EPHB1: variants seen among roughly 807,000 people sequenced by gnomAD.
The protein encoded by EPHB1 is EPH receptor B1.
A neutral mutation model predicts 94.4 loss-of-function variants in EPHB1; 30 were observed. That is an observed-to-expected ratio of 0.32 (90% CI 0.24 to 0.43). The LOEUF (loss-of-function observed/expected upper bound fraction) is 0.43, where lower values mean the gene tolerates loss of function less well. EPHB1 is among the 20% of genes least tolerant of loss of function. The pLI is 1.00. For synonymous variants in EPHB1, 522 were observed against 489.1 expected (o/e 1.07, Z -0.89); for missense variants, 1,055 against 1,308.3 (o/e 0.81, Z 2.99).
At chr3:134,865,962 C>T (rs1045440671) in intron 1 of EPHB1, among the ~76,000 whole-genome samples, 1 of 152,196 alleles carries the variant, frequency 6.6e-6, no homozygotes, top group Non-Finnish European at 1.5e-5. Flanking sequence ...TAGGAGGAGA[C>T]TTCTCACTGG....
rs1391114427 is a variant in EPHB1, at chr3:134,973,545, C to T, written c.805+21493C>T. ...CTCCTGGGTTCAAGCGATTCTCCTT[C>T]CTCAGCCTCCTGAGTAGCCGGGATT... On this transcript the variant is annotated intron_variant, in intron 3 of 15. Transcript: ENST00000398015. 3.4e-5 allele frequency among the ~76,000 whole-genome samples: 5 copies of T among 148,872 alleles called. No individual in the cohort carries two copies. The Admixed American group carries it at 3.4e-4, about 10-fold the overall frequency.
Position 135,089,680 on chromosome 3 carries a change from G to A in EPHB1, c.806-16768G>A, listed in dbSNP as rs182406992. On this transcript the variant is annotated intron_variant, in intron 3 of 15. Transcript: ENST00000398015. ...AGCAGGACCCTTCCTGGGCATGAGA[G>A]GGAGCAATGTCGTGTTCACCTGTCC... 4.3e-4 allele frequency among the ~76,000 whole-genome samples: 66 copies of A among 152,322 alleles called. 1 individual carries two copies. The East Asian group carries it at 0.01, about 24-fold the overall frequency.
chr3:135,183,113 A>G (rs1942223306), intron 10 of EPHB1, among the ~76,000 whole-genome samples: 1 of 136,752 alleles, frequency 7.3e-6, no homozygotes, highest in Non-Finnish European at 1.5e-5. Context: ...TTTCTTCTTG[A>G]CATCAATCAT....
chr3:135,141,920 A>G (rs1211310090), intron 5 of EPHB1, among the ~76,000 whole-genome samples: 2 of 152,210 alleles, frequency 1.3e-5, no homozygotes, highest in African/African-American at 2.4e-5. Flanking sequence ...TCTTGAAGGC[A>G]GCTGACATGG....
intron 15 of EPHB1, among the ~76,000 whole-genome samples, chr3:135,257,237 C>T (rs1313089458): frequency 6.6e-6 from 1 of 152,200 alleles, no homozygotes; most frequent in African/African-American, 2.4e-5. Context: ...ATTCTCCATC[C>T]AGCTTTGTTC....
intron 4 of EPHB1, among the ~76,000 whole-genome samples, chr3:135,107,328 G>A (rs1358290682): frequency 6.6e-6 from 1 of 152,246 alleles, no homozygotes; most frequent in African/African-American, 2.4e-5. Context: ...GGATAGGGAT[G>A]TGAGAAGGGG....
intron 7 of EPHB1, among the ~76,000 whole-genome samples, 153 bp from the exon 8 acceptor site, chr3:135,165,815 G>T (rs1941637617): frequency 6.6e-6 from 1 of 152,120 alleles, no homozygotes; most frequent in Non-Finnish European, 1.5e-5. Context: ...CTTAAAAATT[G>T]CTGTTTGTTT....
At chr3:135,219,200 G>C (rs552967216) in intron 12 of EPHB1, among the ~76,000 whole-genome samples, 1 of 152,300 alleles carries the variant, frequency 6.6e-6, no homozygotes, top group South Asian at 2.1e-4. Context: ...GTTTGGAAAA[G>C]AGTGTGAAAG....
chr3:134,995,368 A>G (rs981255047), intron 3 of EPHB1, among the ~76,000 whole-genome samples: 3 of 152,144 alleles, frequency 2.0e-5, no homozygotes, highest in South Asian at 2.1e-4. Context: ...GTATGGATGT[A>G]CTACAGATTG....
intron 13 of EPHB1, among the ~76,000 whole-genome samples, chr3:135,245,226 C>T (rs191258546): frequency 7.8e-4 from 118 of 152,252 alleles, no homozygotes; most frequent in Non-Finnish European, 6.2e-4. Flanking sequence ...CAACACGCAT[C>T]ACTTCGGTGT....
chr3:134,951,237 C>A lies in EPHB1; in HGVS notation c.124-134C>A. On this transcript the variant is annotated intron_variant, in intron 2 of 15. Transcript: ENST00000398015. The surrounding 1 kb of genome is among the most constrained non-coding windows in gnomAD (Gnocchi z 4.5). The stretch of plus-strand genomic sequence containing the variant: ...GTTGCGCTTAGATGTGTTCATTTCT[C>A]AAGTCAATCTGCTGGACTGGTGAGC... 1 of 709,066 alleles carries A rather than the reference C, an allele frequency of 1.4e-6. No individual in the cohort carries two copies. The highest frequency in any genetic ancestry group is 2.2e-6 in the Non-Finnish European group (1 of 457,646). The allele number at this position is 709,066 out of a possible 1,614,324, so 43.9% of individuals were successfully genotyped here.
intron 3 of EPHB1, among the ~76,000 whole-genome samples, chr3:134,961,988 A>T (rs1323203965): frequency 6.6e-6 from 1 of 152,210 alleles, no homozygotes; most frequent in Non-Finnish European, 1.5e-5. Flanking sequence ...AATGCAGTAA[A>T]TTCTCAGAAG....
chr3:135,016,575 T>C (rs1257649482), intron 3 of EPHB1, among the ~76,000 whole-genome samples: 2 of 152,074 alleles, frequency 1.3e-5, no homozygotes, highest in African/African-American at 4.8e-5. Flanking sequence ...AGAGCAGACT[T>C]TGAGGGGCTG....
chr3:134,885,305 T>C (rs1380366519), intron 1 of EPHB1, among the ~76,000 whole-genome samples: 1 of 152,170 alleles, frequency 6.6e-6, no homozygotes, highest in Admixed American at 6.5e-5. Context: ...AGAGCATCAG[T>C]GAACTGTTGA....
intron 3 of EPHB1, among the ~76,000 whole-genome samples, chr3:134,972,350 A>G (rs1384675194): frequency 6.8e-6 from 1 of 146,852 alleles, no homozygotes; most frequent in African/African-American, 2.5e-5. Context: ...ATAAATATCT[A>G]TATCATACGT....
At chr3:135,094,729 C>T (rs1165996027) in intron 3 of EPHB1, among the ~76,000 whole-genome samples, 2 of 152,174 alleles carry the variant, frequency 1.3e-5, no homozygotes, top group Non-Finnish European at 2.9e-5. Context: ...CGTACCTTTC[C>T]TGACCCCTCT....
chr3:135,132,691 G>T, intron 4 of EPHB1, 23 bp from the exon 5 acceptor site: 1 of 1,551,764 alleles, frequency 6.4e-7, no homozygotes, highest in Non-Finnish European at 8.7e-7. Flanking sequence ...TAGCCTCACT[G>T]GACCTTCTTT....
chr3:135,166,420 T>C (rs1158691996), intron 8 of EPHB1, among the ~76,000 whole-genome samples: 2 of 152,052 alleles, frequency 1.3e-5, no homozygotes, highest in African/African-American at 2.4e-5. Flanking sequence ...ATCCTCCAGT[T>C]AAGAGAGCTC....
At chr3:135,072,924 G>C (rs371109799) in intron 3 of EPHB1, among the ~76,000 whole-genome samples, 1 of 152,092 alleles carries the variant, frequency 6.6e-6, no homozygotes, top group Non-Finnish European at 1.5e-5. Context: ...ACATTTTCCA[G>C]TTGATCAGAG....
Sources: gnomAD v4.1 joint callset for allele counts (sites outside exome capture counted in the v4.1 genomes callset) on GRCh38, gnomAD v4.1.1 for gene constraint, Gnocchi (gnomAD v3.1) non-coding constraint, MANE v1.5 for transcripts, NCBI Gene and HGNC (gene_info 2026-07-23, HGNC 2026-07-21) for gene names.